The following ACAN variants were observed in gnomAD, a reference collection of about 807,000 sequenced individuals.
The protein encoded by ACAN is aggrecan core protein.
ACAN carries 47 observed loss-of-function variants against 169.1 expected under a neutral mutation model. That is an observed-to-expected ratio of 0.28 (90% confidence interval 0.22 to 0.35). The LOEUF (loss-of-function observed/expected upper bound fraction) is 0.35. Among genes scored for constraint, ACAN ranks in the 10% least tolerant of loss-of-function variants. The probability of loss-of-function intolerance (pLI) is 1.00; values close to 1 mark genes in which losing one functional copy is unlikely to be tolerated. For synonymous variants in ACAN, 1,115 were observed against 1,112.2 expected, an observed-to-expected ratio of 1.00 and a Z score of -0.05; for missense variants, 2,716 against 2,759.9, an observed-to-expected ratio of 0.98 and a Z score of 0.36.
chr15:88,816,549 TCC>T (rs545649365), intron 1 of ACAN, among the ~76,000 whole-genome samples: 12 of 152,318 alleles, frequency 7.9e-5, no homozygotes, highest in Admixed American at 7.8e-4. Context: ...GTCTAATTAT[TCC>T]CATTTTATAG....
rs757495567 is a variant in ACAN, at chr15:88,859,019, C to T, written c.6434C>T (p.Ser2145Phe). 5.0e-6 allele frequency: 8 copies of T among 1,613,992 alleles called. 1 individual carries two copies. In the Middle Eastern group the frequency reaches 1.2e-3, roughly 233 times the overall value. The change falls in exon 12 of 19, where the codon TCT becomes TTT. Residue 2145 changes from serine (S) to phenylalanine (F), a missense_variant. Physicochemically the swap from Ser to Phe is radical, Grantham distance 155. This residue lies in a region of ACAN where 1,389 missense variants were observed against 1,363.7 expected (regional missense o/e 1.02). Transcript: ENST00000560601. ...AFHEANLERS[S>F]GLGVSGSTLT... ...CACGAAGCTAACCTTGAGAGATCCT[C>T]TGGCCTAGGAGTGAGCGGCAGCACT...
Position 88,855,126 on chromosome 15 carries a change from C to T in ACAN, c.2541C>T (p.Pro847=), listed in dbSNP as rs201758384. 2.5e-3 allele frequency: 4,048 copies of T among 1,607,588 alleles called. 13 individuals are homozygous for T. The highest frequency in any genetic ancestry group is 2.4e-3 in the Non-Finnish European group (2,863 of 1,176,460). The change falls in exon 12 of 19, where the codon CCC becomes CCT. Residue 847 remains proline (P), a synonymous_variant. Coordinates refer to ENST00000560601, the MANE Select transcript of ACAN (RefSeq NM_001369268.1). ...AAGAGCCGTATACACCTTCACCCCC[C>T]GTGCCCAGCTGGACTGAGCTGCCCA... The part of the protein sequence containing the change: ...ASEEPYTPSP[P]VPSWTELPSS...
chr15:88,821,672 A>G (rs1896079245), intron 1 of ACAN, among the ~76,000 whole-genome samples: 1 of 152,148 alleles, frequency 6.6e-6, no homozygotes, highest in Admixed American at 6.5e-5. Flanking sequence ...AGGCTGTCCC[A>G]AGGAGGGAAA....
chr15:88,834,000 C>T (rs1320932090), intron 1 of ACAN, among the ~76,000 whole-genome samples: 1 of 152,170 alleles, frequency 6.6e-6, no homozygotes, highest in Non-Finnish European at 1.5e-5. Flanking sequence ...AGACCCCTCC[C>T]CAGAGTGGAG....
Position 88,847,297 on chromosome 15 carries a change from A to G in ACAN, c.1484A>G (p.Glu495Gly), listed in dbSNP as rs538870253. The change falls in exon 8 of 19, where the codon GAG (glutamate) becomes GGG (glycine). Residue 495 changes from glutamate (E) to glycine (G), a missense_variant. Around this residue, in one of 3 missense-constraint regions of ACAN, gnomAD observed 1,283 missense variants for 1,281.5 expected, o/e 1.00. Transcript: ENST00000560601. ...ACCCGCTACTCGCTGACCTTTGAGG[A>G]GGCACAGCAGGCCTGCCTGCGCACG... is the stretch of plus-strand genomic sequence containing the variant. ...GPTRYSLTFE[E>G]AQQACLRTGA... 126 of 1,572,760 alleles carry G rather than the reference A, an allele frequency of 8.0e-5. 1 individual carries two copies. The Admixed American group carries it at 9.7e-4, about 12-fold the overall frequency.
chr15:88,837,485 T>G (rs890211245), intron 2 of ACAN, among the ~76,000 whole-genome samples: 1 of 152,222 alleles, frequency 6.6e-6, no homozygotes, highest in Admixed American at 6.5e-5. Flanking sequence ...TCATTTGTAC[T>G]GTTGCTGGGA....
At chr15:88,836,728 TG>T (rs2141557827) in intron 2 of ACAN, among the ~76,000 whole-genome samples, 1 of 152,380 alleles carries the variant, frequency 6.6e-6, no homozygotes, top group East Asian at 1.9e-4. Flanking sequence ...GACAGGTCTT[TG>T]CCTTTTCTGC....
rs1402099682 is a variant in ACAN, at chr15:88,872,129, A to G, written c.7302+44A>G. 2.0e-6 allele frequency: 3 copies of G among 1,531,130 alleles called. No homozygotes were observed. The highest frequency in any genetic ancestry group is 1.8e-6 in the Non-Finnish European group (2 of 1,104,868). The allele number at this position is 1,531,130 out of a possible 1,614,324, so 94.8% of individuals were successfully genotyped here. A position where few individuals can be genotyped will look rare whatever the true frequency, so the allele number is the denominator to read the frequency against. On this transcript the variant is annotated intron_variant, in intron 16 of 18. Coordinates refer to ENST00000560601, the MANE Select transcript of ACAN (RefSeq NM_001369268.1). This position sits in a 1 kb window ranked among gnomAD's most constrained non-coding sequence, Gnocchi z 5.4. ...ACAGCTGGTGGCCCAGGGGACAGGG[A>G]GTGGGATAGAGACCCCTGGAGAGAG...
chr15:88,805,143 A>G (rs375295996), intron 1 of ACAN, among the ~76,000 whole-genome samples: 2 of 152,142 alleles, frequency 1.3e-5, no homozygotes, highest in East Asian at 1.9e-4. Flanking sequence ...TCTAATCCTT[A>G]TCTCTCTTTC....
In ACAN at chr15:88,845,794, A is replaced by G; in HGVS notation, c.1341A>G (p.Thr447=). 2.5e-6 allele frequency: 4 copies of G among 1,585,390 alleles called. No homozygotes were observed. The highest frequency in any genetic ancestry group is 3.4e-6 in the Non-Finnish European group (4 of 1,164,590). ...CCACCAGGCCCTGGGGCTTTCCCAC[A>G]CCTGGCCTGGGCCCTGCCACGGCAT... ...GEATRPWGFP[T]PGLGPATAFT... is the part of the protein sequence containing the mutation. The change falls in exon 7 of 19, where the codon ACA becomes ACG. Residue 447 remains threonine, a synonymous_variant. Coordinates refer to ENST00000560601, the MANE Select transcript of ACAN (RefSeq NM_001369268.1).
rs1896605227 is a variant in ACAN, at chr15:88,839,912, A to G, written c.455-100A>G. 7.1e-7 allele frequency: 1 copy of G among 1,408,934 alleles called. No homozygotes were observed. The allele number at this position is 1,408,934 out of a possible 1,614,324, so 87.3% of individuals were successfully genotyped here. ...ATCAGCCCAGACCAGCCAGTTCCCT[A>G]AGGTCCCTTTGACTATTGCCATAAT... On this transcript the variant is annotated intron_variant, in intron 3 of 18. Transcript: ENST00000560601. The surrounding 1 kb of genome is among the most constrained non-coding windows in gnomAD (Gnocchi z 4.5).
rs1896704096 is a variant in ACAN, at chr15:88,843,020, A to G, written c.758-335A>G. On this transcript the variant is annotated intron_variant, in intron 5 of 18. Transcript: ENST00000560601. The surrounding 1 kb of genome is among the most constrained non-coding windows in gnomAD (Gnocchi z 4.0). ...AGTAGGCAATGCTTAACTCCTAGGA[A>G]AGATCCCCCTGTGGTGGAATGCAAA... is the stretch of plus-strand genomic sequence containing the variant. Among the ~76,000 whole-genome samples the G allele has an allele frequency of 6.6e-6, 1 of 152,206 alleles. No homozygotes were observed. The highest frequency in any genetic ancestry group is 2.4e-5 in the African/African-American group (1 of 41,462).
chr15:88,828,193 G>C (rs556672336), intron 1 of ACAN, among the ~76,000 whole-genome samples: 2 of 152,114 alleles, frequency 1.3e-5, no homozygotes, highest in Admixed American at 6.5e-5. Context: ...GTCAGACATA[G>C]AGCTAAAGAG....
rs201758384 is a variant in ACAN, at chr15:88,855,126, C to A, written c.2541C>A (p.Pro847=). ...AAGAGCCGTATACACCTTCACCCCC[C>A]GTGCCCAGCTGGACTGAGCTGCCCA... ...ASEEPYTPSP[P]VPSWTELPSS... Residue 847 remains proline (P), a synonymous_variant, in exon 12 of 19, where the codon CCC becomes CCA. Transcript: ENST00000560601. The A allele has an allele frequency of 6.2e-7, 1 of 1,607,472 alleles. No homozygotes were observed. Among genetic ancestry groups the A allele is most frequent in the African/African-American group, 1.3e-5 (1 of 74,790 alleles).
chr15:88,874,542 T>C lies in ACAN; in HGVS notation c.*61T>C, dbSNP rs1233022843. On this transcript the variant is annotated 3_prime_UTR_variant, in exon 19 of 19. Transcript: ENST00000560601. This position sits in a 1 kb window ranked among gnomAD's most constrained non-coding sequence, Gnocchi z 7.3. ...CAGGAGCCTGCCAGGCTGACGTGCATCCCACCCAGACGGTGTCCTCTTCTT... is the reference window on the plus strand; with the variant it reads ...CAGGAGCCTGCCAGGCTGACGTGCACCCCACCCAGACGGTGTCCTCTTCTT... 4.2e-6 allele frequency: 6 copies of C among 1,422,794 alleles called. No homozygotes were observed. Among genetic ancestry groups the C allele is most frequent in the Middle Eastern group, 1.7e-4 (1 of 5,766 alleles). The allele number at this position is 1,422,794 out of a possible 1,614,324, so 88.1% of individuals were successfully genotyped here. A position where few individuals can be genotyped will look rare whatever the true frequency, so the allele number is the denominator to read the frequency against.
chr15:88,840,363 A>T (rs1896621647), intron 4 of ACAN, among the ~76,000 whole-genome samples, 177 bp downstream of exon 4: 1 of 152,282 alleles, frequency 6.6e-6, no homozygotes, highest in South Asian at 2.1e-4. Context: ...GACCCATCCC[A>T]AACCCTTGTT....
Position 88,871,056 on chromosome 15 carries a change from C to A in ACAN, c.7061-326C>A, listed in dbSNP as rs1388678381. On this transcript the variant is annotated intron_variant, in intron 14 of 18. Transcript: ENST00000560601. The surrounding 1 kb of genome is among the most constrained non-coding windows in gnomAD (Gnocchi z 7.8). The stretch of plus-strand genomic sequence containing the variant: ...AATCTCAAGACCTCTCACCTTCCCA[C>A]CTCTTTTGAACTGGACTGCTGACCT... Among the ~76,000 whole-genome samples the A allele has an allele frequency of 6.6e-6, 1 of 152,206 alleles. No individual in the cohort carries two copies. The highest frequency in any genetic ancestry group is 1.5e-5 in the Non-Finnish European group (1 of 68,034).
chr15:88,847,109 G>A, intron 7 of ACAN, 134 bp from the exon 8 acceptor site: 1 of 1,023,590 alleles, frequency 9.8e-7, no homozygotes, highest in South Asian at 2.0e-5. Flanking sequence ...CTACCAAGTG[G>A]GATTTCAGCC....
intron 13 of ACAN, among the ~76,000 whole-genome samples, chr15:88,862,929 C>T (rs1310896484): frequency 3.5e-5 from 5 of 143,860 alleles, no homozygotes; most frequent in Non-Finnish European, 7.5e-5. Context: ...ACCCAGGAGG[C>T]GGAGGTTGCA....
Sources: gnomAD v4.1 joint callset for allele counts (sites outside exome capture counted in the v4.1 genomes callset) on GRCh38, gnomAD v4.1.1 for gene constraint, gnomAD v4.1.1 regional missense constraint, Gnocchi (gnomAD v3.1) non-coding constraint, MANE v1.5 for transcripts, NCBI Gene and HGNC (gene_info 2026-07-23, HGNC 2026-07-21) for gene names.